The following TXLNB variants were observed in gnomAD, a reference collection of about 807,000 sequenced individuals.
TXLNB encodes the protein taxilin beta, also known as beta-taxilin.
TXLNB carries 37 observed loss-of-function variants against 57.4 expected under a neutral mutation model. The ratio of observed to expected loss-of-function variants is 0.64; its 90% CI spans 0.50 to 0.85. The LOEUF (loss-of-function observed/expected upper bound fraction) is 0.85. Among genes scored for constraint, TXLNB ranks in the 40% least tolerant of loss-of-function variants. TXLNB has a pLI of 0.00. For synonymous variants in TXLNB, 302 were observed against 309.6 expected, an observed-to-expected ratio of 0.98 and a Z score of 0.26; for missense variants, 848 against 825.6, an observed-to-expected ratio of 1.03 and a Z score of -0.33.
chr6:139,178,657 C>G, the TXLNB span: 1 of 151,998 alleles, frequency 6.6e-6, no homozygotes, highest in East Asian at 1.9e-4. Flanking sequence ...TCACTGCAAC[C>G]TCTGCCTCCT....
rs1378166491 is a variant in TXLNB at position 139,241,548 on chromosome 6, T to G, written c.*978A>C. 6.6e-6 allele frequency: 1 copy of G among 152,212 alleles called. No homozygotes were observed. Among genetic ancestry groups the G allele is most frequent in the Non-Finnish European group, 1.5e-5 (1 of 68,046 alleles). 9.4% of individuals were successfully genotyped at this position (152,212 alleles called of 1,614,324 possible). On this transcript the variant is annotated 3_prime_UTR_variant, in exon 10 of 10. Transcript: ENST00000358430. The stretch of plus-strand genomic sequence containing the variant: ...TCAATCCCTAGCTCCCCTTTCCCAC[T>G]TCCAACCGTTTCCTTGCAGGAAGCC...
chr6:139,314,740 A>G, the TXLNB span, among the ~76,000 whole-genome samples: 1 of 152,366 alleles, frequency 6.6e-6, no homozygotes, highest in African/African-American at 2.4e-5. Flanking sequence ...TTGCAAAATT[A>G]TAACTGAGGA....
chr6:139,245,075 A>T (rs1277234724), intron 8 of TXLNB, among the ~76,000 whole-genome samples: 1 of 152,236 alleles, frequency 6.6e-6, no homozygotes, highest in African/African-American at 2.4e-5. Flanking sequence ...CTTTTTAGCC[A>T]TTAAAATGTT....
the TXLNB span, among the ~76,000 whole-genome samples, chr6:139,312,379 G>A: frequency 2.0e-5 from 3 of 152,184 alleles, no homozygotes; most frequent in African/African-American, 7.2e-5. Flanking sequence ...ATTTCTGTTA[G>A]TTGGAATAAC....
the TXLNB span, among the ~76,000 whole-genome samples, chr6:139,320,044 T>C: frequency 1.6e-4 from 25 of 152,228 alleles, no homozygotes. Flanking sequence ...TTATTGAATA[T>C]GTATTTTATA....
the TXLNB span, among the ~76,000 whole-genome samples, chr6:139,194,187 C>T: frequency 2.6e-5 from 4 of 152,132 alleles, no homozygotes; most frequent in African/African-American, 7.2e-5. Context: ...ATGATCCACC[C>T]GCCTCAGCCT....
chr6:139,216,152 C>G, the TXLNB span, among the ~76,000 whole-genome samples: 1 of 152,060 alleles, frequency 6.6e-6, no homozygotes, highest in Admixed American at 6.6e-5. Context: ...ATAAATCATG[C>G]TGCTATAAAG....
the TXLNB span, among the ~76,000 whole-genome samples, chr6:139,298,583 T>C: frequency 6.6e-6 from 1 of 152,144 alleles, no homozygotes; most frequent in South Asian, 2.1e-4. Context: ...TCATGCAGAG[T>C]GTCCCCTGAG....
At chr6:139,282,452 C>T (rs1423601690) in intron 2 of TXLNB, among the ~76,000 whole-genome samples, 2 of 145,106 alleles carry the variant, frequency 1.4e-5, no homozygotes, top group Non-Finnish European at 3.1e-5. Context: ...TGGCACGTGG[C>T]TGTAATCCTA....
rs1483069036 is a variant in TXLNB, at chr6:139,241,704, C to T, written c.*822G>A. ...GGCCCCTTGTGGTCATCTTTGTGTC[C>T]ATGCTGTCTGCACAGATTGTAGTCT... On this transcript the variant is annotated 3_prime_UTR_variant, in exon 10 of 10. Transcript: ENST00000358430. 2 of 152,224 alleles carry T rather than the reference C, an allele frequency of 1.3e-5. No homozygotes were observed. Among genetic ancestry groups the T allele is most frequent in the Non-Finnish European group, 2.9e-5 (2 of 68,056 alleles). 9.4% of individuals were successfully genotyped at this position (152,224 alleles called of 1,614,324 possible). A position where few individuals can be genotyped will look rare whatever the true frequency, so the allele number is the denominator to read the frequency against.
At chr6:139,185,842 C>G in the TXLNB span, among the ~76,000 whole-genome samples, 1 of 152,120 alleles carries the variant, frequency 6.6e-6, no homozygotes, top group Non-Finnish European at 1.5e-5. Flanking sequence ...TTTTGCCTAT[C>G]TTACTTATCC....
chr6:139,300,586 T>C, the TXLNB span, among the ~76,000 whole-genome samples: 13 of 152,182 alleles, frequency 8.5e-5, no homozygotes, highest in African/African-American at 2.4e-4. Flanking sequence ...ATGTATCTTA[T>C]ATGACTCCTT....
chr6:139,289,422 G>A (rs1440412918), intron 1 of TXLNB, among the ~76,000 whole-genome samples: 1 of 152,230 alleles, frequency 6.6e-6, no homozygotes, highest in Non-Finnish European at 1.5e-5. Context: ...CACTCAGGGA[G>A]CTCGGCTCTT....
At chr6:139,271,400 A>G (rs1483030351) in intron 3 of TXLNB, 1 of 152,224 alleles carries the variant, frequency 6.6e-6, no homozygotes, top group Non-Finnish European at 1.5e-5. Flanking sequence ...CCACAACTAA[A>G]GTACTGTATC....
the TXLNB span, among the ~76,000 whole-genome samples, chr6:139,227,979 T>C: frequency 6.6e-6 from 1 of 152,224 alleles, no homozygotes; most frequent in Non-Finnish European, 1.5e-5. Flanking sequence ...CATGTGAGAA[T>C]TCACTTTGTA....
the TXLNB span, among the ~76,000 whole-genome samples, chr6:139,206,921 G>A: frequency 8.5e-5 from 13 of 152,222 alleles, no homozygotes; most frequent in East Asian, 2.3e-3. Context: ...GTGATAGAAG[G>A]ATTAGTCCAA....
the TXLNB span, chr6:139,199,935 A>C: frequency 6.6e-6 from 1 of 152,236 alleles, no homozygotes; most frequent in Non-Finnish European, 1.5e-5. Flanking sequence ...TGGGCCTCAC[A>C]GACCTCCAAT....
chr6:139,244,345 T>TA (rs996283727), intron 9 of TXLNB, among the ~76,000 whole-genome samples: 8 of 152,164 alleles, frequency 5.3e-5, no homozygotes, highest in African/African-American at 1.9e-4. Context: ...CTGCCCTGGG[T>TA]ACAGCTATTG....
In TXLNB at chr6:139,242,114, C is replaced by G. The variant is rs1329911522; in HGVS notation, c.*412G>C. The G allele has an allele frequency of 6.4e-6, 1 of 155,384 alleles. No individual in the cohort carries two copies. The highest frequency in any genetic ancestry group is 6.5e-5 in the Admixed American group (1 of 15,354). 9.6% of individuals were successfully genotyped at this position (155,384 alleles called of 1,614,324 possible). On this transcript the variant is annotated 3_prime_UTR_variant, in exon 10 of 10. Coordinates refer to ENST00000358430, the MANE Select transcript of TXLNB (RefSeq NM_153235.4). The stretch of plus-strand genomic sequence containing the variant: ...ATAGTTTAAATGTAACCTGGGCATC[C>G]ATAAATTACTATGGAACTTGTTAAA...
Sources: allele counts gnomAD v4.1 joint callset (sites outside exome capture counted in the v4.1 genomes callset), GRCh38; gene constraint gnomAD v4.1.1; transcripts MANE v1.5; gene names NCBI Gene and HGNC (gene_info 2026-07-23, HGNC 2026-07-21).